Variants in CDKL5 observed in about 807,000 individuals in gnomAD.
CDKL5 encodes cyclin-dependent kinase-like 5.
Under a neutral mutation model 61.7 loss-of-function variants are expected in CDKL5, and 8 were observed. That is an observed-to-expected ratio of 0.13 (90% CI 0.08 to 0.23). The LOEUF (loss-of-function observed/expected upper bound fraction) is 0.23. Ranked by LOEUF, CDKL5 falls within the 10% of genes least tolerant of loss-of-function variation. The pLI is 1.00. For synonymous variants in CDKL5, 275 were observed against 272.3 expected (o/e 1.01, Z -0.10); for missense variants, 440 against 734.5 (o/e 0.60, Z 4.63).
chrX:18,483,522 A>G (rs181230376), intron 1 of CDKL5, among the ~76,000 whole-genome samples: 12 of 110,529 alleles, frequency 1.1e-4, no homozygotes, highest in South Asian at 3.9e-4. Context: ...GGTTCAAGCA[A>G]TTCTCTGCCT....
intron 4 of CDKL5, among the ~76,000 whole-genome samples, chrX:18,569,869 A>G (rs1925084228): frequency 1.8e-5 from 2 of 111,106 alleles, no homozygotes; most frequent in Admixed American, 1.9e-4. Flanking sequence ...ACACTAGTCT[A>G]CATTTAAGAT....
In CDKL5 at chrX:18,632,249, TG is replaced by T; in HGVS notation, c.*3493del. ...TATGCCTGAATCCTTGGAATCCTAT[TG>T]TTCGTTTCCATTGTCTTGGGCCTGC... On this transcript the variant is annotated 3_prime_UTR_variant, in exon 18 of 18. Transcript: ENST00000623535. 1 of 754,211 alleles carries T rather than the reference TG, an allele frequency of 1.3e-6. No homozygotes were observed. Among genetic ancestry groups the T allele is most frequent in the Non-Finnish European group, 1.6e-6 (1 of 639,044 alleles). 62.2% of individuals were successfully genotyped at this position (754,211 alleles called of 1,213,427 possible).
chrX:18,580,668 A>G (rs747619730), intron 6 of CDKL5, among the ~76,000 whole-genome samples: 1 of 111,872 alleles, frequency 8.9e-6, no homozygotes, highest in Admixed American at 9.6e-5. Context: ...CTTGCACTGG[A>G]GAGTTTTACA....
chrX:18,504,491 A>T (rs1360749532), intron 1 of CDKL5, among the ~76,000 whole-genome samples: 1 of 112,279 alleles, frequency 8.9e-6, no homozygotes, highest in Non-Finnish European at 1.9e-5. Context: ...AGATGCCCTT[A>T]TCAGGATATG....
chrX:18,567,442 G>C (rs1309402863), intron 4 of CDKL5, among the ~76,000 whole-genome samples: 4 of 111,885 alleles, frequency 3.6e-5, no homozygotes, highest in Non-Finnish European at 7.5e-5. Context: ...TGAAGATAAC[G>C]AAATAATCCT....
At chrX:18,524,781 A>G (rs146623525) in intron 3 of CDKL5, among the ~76,000 whole-genome samples, 1,253 of 111,675 alleles carry the variant, frequency 0.011, 14 homozygotes, top group African/African-American at 0.039. Flanking sequence ...TTTTTGTGAG[A>G]CTTGTAAGGT....
At chrX:18,599,007 A>G (rs922543026) in intron 11 of CDKL5, among the ~76,000 whole-genome samples, 1 of 111,938 alleles carries the variant, frequency 8.9e-6, no homozygotes, top group Non-Finnish European at 1.9e-5. Flanking sequence ...GGTGGATGGA[A>G]ATGTACCTAG....
At chrX:18,577,582 C>T (rs1424623736) in intron 5 of CDKL5, among the ~76,000 whole-genome samples, 6 of 112,167 alleles carry the variant, frequency 5.3e-5, no homozygotes, top group East Asian at 2.8e-4. Context: ...TCCACCACAG[C>T]GAGGTGTGAC....
intron 1 of CDKL5, among the ~76,000 whole-genome samples, chrX:18,443,618 T>C (rs189495452): frequency 1.8e-5 from 2 of 111,627 alleles, no homozygotes; most frequent in African/African-American, 6.5e-5. Flanking sequence ...GTTTGTTACA[T>C]AGGTAAACAC....
intron 1 of CDKL5, among the ~76,000 whole-genome samples, chrX:18,435,852 C>T (rs1256336014): frequency 9.0e-6 from 1 of 111,351 alleles, no homozygotes; most frequent in Non-Finnish European, 1.9e-5. Flanking sequence ...CAGGTGTGAG[C>T]CGGCCAAAGA....
chrX:18,644,498 T>A, downstream of CDKL5: 2 of 1,211,380 alleles, frequency 1.7e-6, no homozygotes, highest in Non-Finnish European at 2.2e-6. Context: ...TACTGCACGC[T>A]GTACTTGGTC....
intron 3 of CDKL5, among the ~76,000 whole-genome samples, chrX:18,520,570 A>ATTTCTATT (rs1426229386): frequency 8.9e-6 from 1 of 111,988 alleles, no homozygotes; most frequent in Non-Finnish European, 1.9e-5. Context: ...TGTTGTTTGA[A>ATTTCTATT]TTTCTATTTT....
In CDKL5 at chrX:18,553,465, C is replaced by CTTGT. The variant is rs1459635424; in HGVS notation, c.100-11012_100-11011insTTGT. On this transcript the variant is annotated intron_variant, in intron 3 of 17. Transcript: ENST00000623535. ...GCTTGAAGGCAGTTGTGTGTGTGTG[C>CTTGT]GTGTGTGTGTGTGTGTGTGTGTGTG... Among the ~76,000 whole-genome samples, 175 of 90,834 alleles carry CTTGT rather than the reference C, an allele frequency of 1.9e-3. 1 individual carries two copies. Among genetic ancestry groups the CTTGT allele is most frequent in the African/African-American group, 6.7e-3 (168 of 24,985 alleles). 78.9% of individuals were successfully genotyped at this position (90,834 alleles called of 115,157 possible).
intron 1 of CDKL5, among the ~76,000 whole-genome samples, chrX:18,503,499 T>A (rs2147089269): frequency 8.9e-6 from 1 of 112,269 alleles, no homozygotes; most frequent in Non-Finnish European, 1.9e-5. Flanking sequence ...ATGTGATTTT[T>A]AAAAATTGCA....
rs1926835929 is a variant in CDKL5 at position 18,619,875 on chromosome X, C to T, written c.2285C>T (p.Pro762Leu). 1 of 1,170,846 alleles carries T rather than the reference C, an allele frequency of 8.5e-7. No individual in the cohort carries two copies. Among genetic ancestry groups the T allele is most frequent in the Non-Finnish European group, 1.2e-6 (1 of 860,343 alleles). ...RQPAFDPWKS[P>L]ENISHSEQLK... ...AATGTCTTCTCATTTAGGAAAAGTC[C>T]TGAAAATATTAGTCATTCAGAGCAA... The change falls in exon 16 of 18, where the codon CCT becomes CTT. Residue 762 changes from proline (P) to leucine (L), a missense_variant. Physicochemically the swap from Pro to Leu is moderately conservative, Grantham distance 98. This residue lies in a region of CDKL5 where 363 missense variants were observed against 516.3 expected (regional missense o/e 0.70). Transcript: ENST00000623535.
chrX:18,431,547 G>A (rs1170304420), intron 1 of CDKL5, among the ~76,000 whole-genome samples: 1 of 107,215 alleles, frequency 9.3e-6, no homozygotes, highest in Non-Finnish European at 1.9e-5. Context: ...TCAGCCTCTG[G>A]AGTAGCTGGG....
chrX:18,522,793 ATTT>A (rs199694634), intron 3 of CDKL5, among the ~76,000 whole-genome samples: 4 of 84,616 alleles, frequency 4.7e-5, no homozygotes, highest in Admixed American at 1.3e-4. Context: ...AATATTATCG[ATTT>A]TTTTTTTTTT....
intron 3 of CDKL5, among the ~76,000 whole-genome samples, chrX:18,514,693 G>A (rs1922948608): frequency 9.8e-6 from 1 of 101,654 alleles, no homozygotes. Context: ...GGTGACAAGA[G>A]TGAAACTCCA....
intron 1 of CDKL5, among the ~76,000 whole-genome samples, chrX:18,489,440 C>A (rs1228098883): frequency 1.8e-5 from 2 of 110,727 alleles, no homozygotes; most frequent in Non-Finnish European, 3.8e-5. Context: ...GGATTACAAG[C>A]AGGAGCCACT....
Sources: allele counts gnomAD v4.1 joint callset (sites outside exome capture counted in the v4.1 genomes callset), GRCh38; gene constraint gnomAD v4.1.1; regional missense constraint gnomAD v4.1.1; transcripts MANE v1.5; gene names NCBI Gene and HGNC (gene_info 2026-07-23, HGNC 2026-07-21).